BMAL1: variants seen among roughly 807,000 people sequenced by gnomAD.
The protein encoded by BMAL1 is basic helix-loop-helix ARNT-like protein 1.
At chr11:13,344,935 A>G in the BMAL1 span, among the ~76,000 whole-genome samples, 2 of 152,248 alleles carry the variant, frequency 1.3e-5, no homozygotes, top group African/African-American at 4.8e-5. Context: ...GCTCAGGGCC[A>G]GCTCCCTGTA....
chr11:13,377,003 C>A, the BMAL1 span, among the ~76,000 whole-genome samples: 1 of 152,190 alleles, frequency 6.6e-6, no homozygotes, highest in Non-Finnish European at 1.5e-5. Flanking sequence ...TCCCCTTGTG[C>A]TTTCCTCCTG....
chr11:13,376,902 T>G, the BMAL1 span: 1 of 602,984 alleles, frequency 1.7e-6, no homozygotes. Flanking sequence ...GTCATGTCAC[T>G]TTCTCTGTTG....
At chr11:13,287,327 T>A in the BMAL1 span, among the ~76,000 whole-genome samples, 5 of 152,148 alleles carry the variant, frequency 3.3e-5, no homozygotes, top group Non-Finnish European at 7.4e-5. Context: ...AATGGTGTGT[T>A]CCTTTTTTTC....
chr11:13,364,856 A>G, the BMAL1 span, among the ~76,000 whole-genome samples: 1 of 151,888 alleles, frequency 6.6e-6, no homozygotes, highest in African/African-American at 2.4e-5. Flanking sequence ...CCGGCCCTGG[A>G]TGGAGGGATA....
chr11:13,321,586 C>T, the BMAL1 span, among the ~76,000 whole-genome samples: 1 of 152,110 alleles, frequency 6.6e-6, no homozygotes. Context: ...GAGAACACTG[C>T]CTGCCACGTG....
chr11:13,362,769 G>A, the BMAL1 span, among the ~76,000 whole-genome samples: 2 of 152,046 alleles, frequency 1.3e-5, no homozygotes, highest in South Asian at 2.1e-4. Context: ...AGCTGCCGTC[G>A]GTGCCAGCTT....
the BMAL1 span, among the ~76,000 whole-genome samples, chr11:13,336,088 G>A: frequency 6.6e-6 from 1 of 152,166 alleles, no homozygotes. Context: ...AAAAGAAATG[G>A]TTTCATAGCT....
chr11:13,301,563 G>A, the BMAL1 span, among the ~76,000 whole-genome samples: 3 of 152,182 alleles, frequency 2.0e-5, no homozygotes, highest in African/African-American at 7.2e-5. Context: ...ATCAAGAAAG[G>A]TTTTATGGAA....
chr11:13,328,177 T>C, the BMAL1 span, among the ~76,000 whole-genome samples: 1 of 152,216 alleles, frequency 6.6e-6, no homozygotes, highest in Non-Finnish European at 1.5e-5. Context: ...GGAGAGGCTT[T>C]TTTTTGGCCC....
the BMAL1 span, chr11:13,379,601 T>A: frequency 3.3e-5 from 5 of 152,234 alleles, no homozygotes; most frequent in Non-Finnish European, 5.9e-5. Context: ...AATTTTAAAA[T>A]CTTTTATAAG....
the BMAL1 span, among the ~76,000 whole-genome samples, chr11:13,352,893 G>A: frequency 6.6e-6 from 1 of 152,210 alleles, no homozygotes; most frequent in South Asian, 2.1e-4. Context: ...CTGGCTGTAG[G>A]CAGGCACCCT....
At chr11:13,381,024 T>C in the BMAL1 span, 1 of 728,544 alleles carries the variant, frequency 1.4e-6, no homozygotes, top group Non-Finnish European at 2.3e-6. Flanking sequence ...CTAGAGAGCC[T>C]ACTATCTGGC....
the BMAL1 span, among the ~76,000 whole-genome samples, chr11:13,284,253 TATATATA>T: frequency 5.0e-4 from 16 of 32,240 alleles, 3 homozygotes; most frequent in Admixed American, 1.3e-3. Flanking sequence ...TATATATATA[TATATATA>T]TATATATTTT....
At chr11:13,283,679 T>C in the BMAL1 span, among the ~76,000 whole-genome samples, 43 of 152,196 alleles carry the variant, frequency 2.8e-4, no homozygotes, top group Non-Finnish European at 1.2e-4. Flanking sequence ...GAACCAGTCT[T>C]ATTGTTGACA....
the BMAL1 span, among the ~76,000 whole-genome samples, chr11:13,305,674 G>A: frequency 6.6e-6 from 1 of 152,060 alleles, no homozygotes; most frequent in Non-Finnish European, 1.5e-5. Flanking sequence ...TCCTTGCCTT[G>A]TTCCTAGTCT....
At chr11:13,371,728 C>A in the BMAL1 span, among the ~76,000 whole-genome samples, 3 of 152,318 alleles carry the variant, frequency 2.0e-5, no homozygotes, top group African/African-American at 7.2e-5. Context: ...CCCCTCACTC[C>A]CAGTACCTCC....
the BMAL1 span, among the ~76,000 whole-genome samples, chr11:13,371,885 G>A: frequency 6.6e-6 from 1 of 152,102 alleles, no homozygotes; most frequent in Non-Finnish European, 1.5e-5. Flanking sequence ...GTTTTTTGGG[G>A]GAGCCTTCCT....
At chr11:13,372,458 A>G in the BMAL1 span, 13 of 1,599,684 alleles carry the variant, frequency 8.1e-6, no homozygotes, top group African/African-American at 1.3e-5. Context: ...AGGATTTTCA[A>G]CCCTGATCTA....
At chr11:13,292,759 A>G in the BMAL1 span, among the ~76,000 whole-genome samples, 1 of 152,076 alleles carries the variant, frequency 6.6e-6, no homozygotes, top group Non-Finnish European at 1.5e-5. Flanking sequence ...ATAGTGGTCC[A>G]GGCCTAGTAT....
Sources: gnomAD v4.1 joint callset for allele counts (sites outside exome capture counted in the v4.1 genomes callset) on GRCh38, gnomAD v4.1.1 for gene constraint, MANE v1.5 for transcripts, NCBI Gene and HGNC (gene_info 2026-07-23, HGNC 2026-07-21) for gene names.